The following GNS variants were observed in gnomAD, a reference collection of about 807,000 sequenced individuals.
GNS encodes glucosamine (N-acetyl)-6-sulfatase, also known as N-acetylglucosamine-6-sulfatase.
In GNS, 40 loss-of-function variants were observed where a neutral mutation model predicts 69.7. The ratio of observed to expected loss-of-function variants is 0.57; its 90% confidence interval spans 0.45 to 0.75. The LOEUF (loss-of-function observed/expected upper bound fraction) is 0.75, where lower values mean the gene tolerates loss of function less well. Among genes scored for constraint, GNS ranks in the 30% least tolerant of loss-of-function variants. The pLI is 0.00. For synonymous variants in GNS, 243 were observed against 251.6 expected (o/e 0.97, Z 0.32); for missense variants, 565 against 685.5 (o/e 0.82, Z 1.96).
intron 9 of GNS, among the ~76,000 whole-genome samples, chr12:64,732,249 G>A (rs1869423938): frequency 1.4e-5 from 2 of 146,922 alleles, no homozygotes. Flanking sequence ...CTCACTGCAA[G>A]CTCTGCCTCC....
chr12:64,741,794 A>C (rs1380918677), intron 6 of GNS, among the ~76,000 whole-genome samples: 1 of 152,176 alleles, frequency 6.6e-6, no homozygotes, highest in Non-Finnish European at 1.5e-5. Context: ...AGTGTTATTA[A>C]GTTTGAGAAA....
intron 1 of GNS, 27 bp downstream of exon 1, chr12:64,759,058 G>A (rs576200965): frequency 5.9e-6 from 9 of 1,534,026 alleles, no homozygotes; most frequent in Admixed American, 2.0e-5. Context: ...AAGAGATAGA[G>A]GGGCGGGGCA....
At chr12:64,725,995 C>CAAAAAA (rs34734900) in intron 10 of GNS, among the ~76,000 whole-genome samples, 2 of 49,216 alleles carry the variant, frequency 4.1e-5, no homozygotes, top group African/African-American at 8.1e-5. Context: ...GACTCTGTCT[C>CAAAAAA]AAAAAAAAAA....
chr12:64,719,664 C>T (rs1868963174), intron 13 of GNS, among the ~76,000 whole-genome samples: 2 of 152,158 alleles, frequency 1.3e-5, no homozygotes, highest in African/African-American at 4.8e-5. Flanking sequence ...CTCTTGCAAG[C>T]TCTAGGGAAC....
chr12:64,740,763 T>C, intron 6 of GNS, 75 bp from the exon 7 acceptor site: 1 of 773,076 alleles, frequency 1.3e-6, no homozygotes. Context: ...CTACAGTAGA[T>C]AATAAATAGA....
chr12:64,719,157 T>C (rs1214078748), intron 13 of GNS, among the ~76,000 whole-genome samples: 9 of 152,326 alleles, frequency 5.9e-5, no homozygotes, highest in Non-Finnish European at 1.2e-4. Flanking sequence ...CAATGAACAG[T>C]CTATCATCGA....
At chr12:64,752,597 G>GA (rs1870113017) in intron 2 of GNS, 101 bp downstream of exon 2, 6 of 717,466 alleles carry the variant, frequency 8.4e-6, no homozygotes, top group South Asian at 1.5e-5. Flanking sequence ...ATTTAACAAG[G>GA]AAAAAACCAC....
chr12:64,732,210 C>G (rs1869422696), intron 9 of GNS, among the ~76,000 whole-genome samples: 1 of 132,838 alleles, frequency 7.5e-6, no homozygotes, highest in African/African-American at 2.9e-5. Context: ...CTCTGTCACC[C>G]AGGCTGGAGT....
At chr12:64,722,777 T>G in intron 11 of GNS, 1 of 523,006 alleles carries the variant, frequency 1.9e-6, no homozygotes. Context: ...GGTGGATACA[T>G]GCACTTGCTA....
At chr12:64,748,802 G>A (rs934987618) in intron 2 of GNS, among the ~76,000 whole-genome samples, 2 of 152,146 alleles carry the variant, frequency 1.3e-5, no homozygotes, top group African/African-American at 4.8e-5. Context: ...ACTTGGACCA[G>A]CAGGGAAGGA....
At chr12:64,752,786 C>T (rs1162998376) in intron 1 of GNS, 29 bp from the exon 2 acceptor site, 1 of 1,064,882 alleles carries the variant, frequency 9.4e-7, no homozygotes, top group Non-Finnish European at 1.5e-6. Flanking sequence ...ATCCATTAAA[C>T]AATTTCTTCC....
chr12:64,732,987 C>T (rs909259675), intron 9 of GNS, among the ~76,000 whole-genome samples: 8 of 151,976 alleles, frequency 5.3e-5, no homozygotes, highest in African/African-American at 1.9e-4. Flanking sequence ...AAATGAAAGT[C>T]CTTAGAAAAC....
rs17100604 is a variant in GNS at position 64,716,175 on chromosome 12, T to C, written c.*566A>G. On this transcript the variant is annotated 3_prime_UTR_variant, in exon 14 of 14. Coordinates refer to ENST00000258145, the MANE Select transcript of GNS (RefSeq NM_002076.4). ...AATTTGCAACCTTACCACACTGTGA[T>C]GAACATCATAAAAAATGTATCTCTA... The C allele has an allele frequency of 0.035, 6,069 of 171,660 alleles. 404 individuals are homozygous for C. Among genetic ancestry groups the C allele is most frequent in the African/African-American group, 0.14 (5,731 of 41,988 alleles). The allele number at this position is 171,660 out of a possible 1,614,324, so 10.6% of individuals were successfully genotyped here.
chr12:64,747,596 A>C, intron 3 of GNS, 116 bp downstream of exon 3: 1 of 706,970 alleles, frequency 1.4e-6, no homozygotes. Context: ...GCAGATTCAC[A>C]GAAAACAACG....
intron 2 of GNS, among the ~76,000 whole-genome samples, chr12:64,751,893 CAGG>C (rs1320244327): frequency 2.1e-5 from 3 of 142,262 alleles, no homozygotes; most frequent in Non-Finnish European, 4.5e-5. Flanking sequence ...AAGGCTGAGG[CAGG>C]AGAACTGCTT....
intron 9 of GNS, among the ~76,000 whole-genome samples, chr12:64,732,907 A>G (rs1244883): frequency 0.64 from 96,929 of 152,012 alleles, 31,412 homozygotes; most frequent in East Asian, 0.88. Flanking sequence ...ACAAAAAAAT[A>G]AATTATTTGA....
intron 9 of GNS, among the ~76,000 whole-genome samples, chr12:64,730,434 C>CAAAAAAAAAAAAAA (rs35692874): frequency 1.4e-4 from 6 of 43,392 alleles, no homozygotes; most frequent in African/African-American, 3.1e-4. Context: ...ATATGAAAGG[C>CAAAAAAAAAAAAAA]AAAAAAAAAA....
At chr12:64,716,876 T>G (rs1160794243) in intron 13 of GNS, 57 bp from the exon 14 acceptor site, 1 of 1,069,594 alleles carries the variant, frequency 9.3e-7, no homozygotes, top group Admixed American at 1.7e-5. Context: ...ACTCAGAATA[T>G]TATTCAGTGG....
intron 13 of GNS, among the ~76,000 whole-genome samples, chr12:64,718,432 T>C (rs1181171756): frequency 6.6e-6 from 1 of 152,252 alleles, no homozygotes; most frequent in Non-Finnish European, 1.5e-5. Context: ...AAATAACGTA[T>C]TCACTTCCTT....
Sources: gnomAD v4.1 joint callset for allele counts (sites outside exome capture counted in the v4.1 genomes callset) on GRCh38, gnomAD v4.1.1 for gene constraint, MANE v1.5 for transcripts, NCBI Gene and HGNC (gene_info 2026-07-23, HGNC 2026-07-21) for gene names.